The following PDS5B variants were observed in gnomAD, a reference collection of about 807,000 sequenced individuals.
PDS5B encodes PDS5 cohesin associated factor B.
In PDS5B, 51 loss-of-function variants were observed where a neutral mutation model predicts 184.1. The ratio of observed to expected loss-of-function variants is 0.28; its 90% CI spans 0.22 to 0.35. The LOEUF is 0.35. Ranked by LOEUF, PDS5B falls within the 10% of genes least tolerant of loss-of-function variation. The pLI is 1.00. For synonymous variants in PDS5B, 566 were observed against 569.2 expected, an observed-to-expected ratio of 0.99 and a Z score of 0.08; for missense variants, 1,180 against 1,723.3, an observed-to-expected ratio of 0.68 and a Z score of 5.58.
intron 33 of PDS5B, among the ~76,000 whole-genome samples, chr13:32,772,177 C>T (rs964325490): frequency 1.3e-5 from 2 of 152,010 alleles, no homozygotes; most frequent in East Asian, 1.9e-4. Context: ...TTGTTTGGTT[C>T]GAGCGTGAGT....
intron 13 of PDS5B, among the ~76,000 whole-genome samples, chr13:32,693,204 G>A (rs1006069735): frequency 6.6e-6 from 1 of 151,946 alleles, no homozygotes; most frequent in African/African-American, 2.4e-5. Flanking sequence ...TTCTTGAACT[G>A]TGCTTATGAA....
intron 1 of PDS5B, among the ~76,000 whole-genome samples, chr13:32,639,860 T>C (rs2058627682): frequency 1.3e-5 from 2 of 152,306 alleles, no homozygotes; most frequent in Admixed American, 1.3e-4. Flanking sequence ...CATGGCCCAG[T>C]ATGGATTCTA....
chr13:32,760,827 T>C (rs1177963223), intron 30 of PDS5B, 107 bp downstream of exon 30: 13 of 1,069,098 alleles, frequency 1.2e-5, no homozygotes, highest in African/African-American at 3.2e-5. Context: ...TGGAAAGTAA[T>C]GTATTACTTA....
At chr13:32,699,201 C>A (rs1270131452) in intron 15 of PDS5B, among the ~76,000 whole-genome samples, 3 of 152,262 alleles carry the variant, frequency 2.0e-5, no homozygotes, top group African/African-American at 7.2e-5. Context: ...TCTGCAAAGA[C>A]TCATTCTTTC....
rs200045091 is a variant in PDS5B at position 32,624,030 on chromosome 13, C to CT, written c.-19-24716dup. Reference sequence around the variant, plus strand: ...TTTCACCATGTTGGCCAAGCTATTCCTTTTTTTTAAAAAAAAAAATTGTTA... The same window carrying CT: ...TTTCACCATGTTGGCCAAGCTATTCCTTTTTTTTTAAAAAAAAAAATTGTTA... On this transcript the variant is annotated intron_variant, in intron 1 of 34. Transcript: ENST00000315596. Among the ~76,000 whole-genome samples the CT allele has an allele frequency of 6.0e-3, 905 of 150,852 alleles. 4 individuals are homozygous for CT. The highest frequency in any genetic ancestry group is 0.022 in the East Asian group (111 of 5,140).
chr13:32,759,811 A>G (rs1300276021), intron 29 of PDS5B, 121 bp downstream of exon 29: 3 of 554,806 alleles, frequency 5.4e-6, no homozygotes, highest in Admixed American at 3.4e-5. Flanking sequence ...AAATATAAGA[A>G]TTAACGATCT....
chr13:32,648,558 TAA>T (rs762592831), intron 1 of PDS5B, among the ~76,000 whole-genome samples, 194 bp from the exon 2 acceptor site: 5 of 152,154 alleles, frequency 3.3e-5, no homozygotes, highest in Non-Finnish European at 7.4e-5. Flanking sequence ...GAAATGAAAG[TAA>T]AAATAAGTTT....
intron 15 of PDS5B, among the ~76,000 whole-genome samples, chr13:32,699,152 T>C (rs751831640): frequency 1.7e-4 from 26 of 152,304 alleles, no homozygotes; most frequent in Admixed American, 3.3e-4. Context: ...TTTTGATACA[T>C]AGACACATTA....
chr13:32,675,162 C>A (rs1481189151), intron 8 of PDS5B, among the ~76,000 whole-genome samples: 2 of 152,024 alleles, frequency 1.3e-5, no homozygotes, highest in Admixed American at 6.6e-5. Flanking sequence ...TTTTGATATA[C>A]CCAATTCCCA....
At chr13:32,722,125 C>A (rs1433424875) in intron 19 of PDS5B, among the ~76,000 whole-genome samples, 1 of 152,236 alleles carries the variant, frequency 6.6e-6, no homozygotes, top group Non-Finnish European at 1.5e-5. Flanking sequence ...GAGGCCGAGG[C>A]GGGCAGATCA....
At chr13:32,659,927 T>C (rs1950600836) in intron 6 of PDS5B, among the ~76,000 whole-genome samples, 1 of 152,190 alleles carries the variant, frequency 6.6e-6, no homozygotes, top group Non-Finnish European at 1.5e-5. Flanking sequence ...ACATGAATAA[T>C]GGTTCAGTGA....
intron 1 of PDS5B, among the ~76,000 whole-genome samples, chr13:32,648,024 T>C (rs781627769): frequency 6.6e-6 from 1 of 152,162 alleles, no homozygotes; most frequent in Non-Finnish European, 1.5e-5. Context: ...GCCACTTAGG[T>C]CATGTCAGCC....
chr13:32,657,664 A>G (rs1950550127), intron 3 of PDS5B, among the ~76,000 whole-genome samples: 1 of 152,200 alleles, frequency 6.6e-6, no homozygotes, highest in Non-Finnish European at 1.5e-5. Context: ...AAATGTAGAT[A>G]CAAATGCAGA....
chr13:32,719,954 CA>C (rs914437930), intron 19 of PDS5B, among the ~76,000 whole-genome samples: 3 of 151,804 alleles, frequency 2.0e-5, no homozygotes, highest in Non-Finnish European at 4.4e-5. Context: ...CCACCCCTGG[CA>C]ATTTTTTTTT....
Position 32,741,064 on chromosome 13 carries a change from TC to T in PDS5B, c.2407-15del. On this transcript the variant is annotated splice_polypyrimidine_tract_variant and intron_variant, in intron 21 of 34. Transcript: ENST00000315596. ...TTAAAGTCCCTGGTTTTTTTTTTTT[TC>T]TCGTTTATTTTTAGCTTCCAGGGAA... is the stretch of plus-strand genomic sequence containing the variant. 1.5e-6 allele frequency: 2 copies of T among 1,377,316 alleles called. No individual in the cohort carries two copies. The highest frequency in any genetic ancestry group is 2.0e-6 in the Non-Finnish European group (2 of 985,198). 85.3% of individuals were successfully genotyped at this position (1,377,316 alleles called of 1,614,324 possible).
chr13:32,677,407 T>C (rs1340946624), intron 9 of PDS5B, among the ~76,000 whole-genome samples: 1 of 152,128 alleles, frequency 6.6e-6, no homozygotes, highest in Non-Finnish European at 1.5e-5. Context: ...TAAATGTATA[T>C]GTCACCTTTC....
chr13:32,595,732 AC>A (rs1466301959), intron 1 of PDS5B, among the ~76,000 whole-genome samples: 1 of 152,228 alleles, frequency 6.6e-6, no homozygotes, highest in Admixed American at 6.5e-5. Flanking sequence ...TCAATTAGAC[AC>A]AGAGACAAAG....
chr13:32,777,192 G>A lies in PDS5B; in HGVS notation c.*2140G>A, dbSNP rs1327654435. On this transcript the variant is annotated 3_prime_UTR_variant, in exon 35 of 35. Coordinates refer to ENST00000315596, the MANE Select transcript of PDS5B (RefSeq NM_015032.4). ...TTTTTATTTGCATGATTATAGTTAA[G>A]CAAATTTCATTTCACATTTTTGTAA... The A allele has an allele frequency of 7.2e-5, 11 of 152,050 alleles. No individual in the cohort carries two copies. The East Asian group carries it at 2.1e-3, about 29-fold the overall frequency. The allele number at this position is 152,050 out of a possible 1,614,324, so 9.4% of individuals were successfully genotyped here.
At chr13:32,624,849 C>G (rs1173877501) in intron 1 of PDS5B, among the ~76,000 whole-genome samples, 1 of 152,110 alleles carries the variant, frequency 6.6e-6, no homozygotes, top group African/African-American at 2.4e-5. Context: ...CACATTTGCC[C>G]TTTTGCATCT....
Sources: allele counts gnomAD v4.1 joint callset (sites outside exome capture counted in the v4.1 genomes callset), GRCh38; gene constraint gnomAD v4.1.1; transcripts MANE v1.5; gene names NCBI Gene and HGNC (gene_info 2026-07-23, HGNC 2026-07-21).